The following HS1BP3 variants were observed in gnomAD, a reference collection of about 807,000 sequenced individuals.
The protein encoded by HS1BP3 is HCLS1-binding protein 3.
HS1BP3 carries 32 observed loss-of-function variants against 33.5 expected under a neutral mutation model. The ratio of observed to expected loss-of-function variants is 0.95; its 90% CI spans 0.72 to 1.28. HS1BP3 has a LOEUF of 1.28. Ranked by LOEUF, HS1BP3 falls within the 50% of genes most tolerant of loss-of-function variation. The pLI is 0.00. For synonymous variants in HS1BP3, 187 were observed against 209.2 expected (o/e 0.89, Z 0.92); for missense variants, 486 against 502.3 (o/e 0.97, Z 0.31).
At chr2:20,608,342 A>G (rs1188562155) in intron 2 of HS1BP3, among the ~76,000 whole-genome samples, 2 of 152,056 alleles carry the variant, frequency 1.3e-5, no homozygotes, top group South Asian at 2.1e-4. Flanking sequence ...TGGGAGGCCG[A>G]TGCGGGAGGA....
chr2:20,561,803 A>G (rs1159111073), intron 5 of HS1BP3, among the ~76,000 whole-genome samples: 1 of 152,124 alleles, frequency 6.6e-6, no homozygotes, highest in Non-Finnish European at 1.5e-5. Context: ...TTTTTATGCT[A>G]ATGAGATGAC....
the HS1BP3 span, among the ~76,000 whole-genome samples, chr2:20,554,446 G>A: frequency 6.6e-6 from 1 of 152,200 alleles, no homozygotes; most frequent in African/African-American, 2.4e-5. Context: ...TCAGGGGCCA[G>A]GCGCGGTGGC....
At chr2:20,559,273 C>T (rs1044574464), downstream of HS1BP3, among the ~76,000 whole-genome samples, 37 of 152,206 alleles carry the variant, frequency 2.4e-4, no homozygotes, top group Admixed American at 1.2e-3. Context: ...ATTGCAATGC[C>T]TTGGCAATGC....
chr2:20,570,862 G>A (rs1027093336), intron 5 of HS1BP3, among the ~76,000 whole-genome samples: 7 of 152,174 alleles, frequency 4.6e-5, no homozygotes, highest in African/African-American at 1.7e-4. Context: ...AAGGGTCACT[G>A]TTTGGCTTGC....
downstream of HS1BP3, among the ~76,000 whole-genome samples, chr2:20,589,131 C>T (rs376050461): frequency 4.2e-4 from 64 of 152,360 alleles, no homozygotes; most frequent in South Asian, 0.013. Flanking sequence ...GGACCACTAG[C>T]CCTGCTTTGC....
intron 5 of HS1BP3, among the ~76,000 whole-genome samples, chr2:20,571,957 C>T (rs927947023): frequency 2.0e-5 from 3 of 152,230 alleles, no homozygotes; most frequent in South Asian, 2.1e-4. Context: ...CTCAGATCCC[C>T]GCAGGCCTGC....
At chr2:20,560,908 T>C (rs112667466) in intron 5 of HS1BP3, among the ~76,000 whole-genome samples, 3,417 of 151,958 alleles carry the variant, frequency 0.022, 144 homozygotes, top group African/African-American at 0.078. Context: ...GTGATGGTGA[T>C]GAGAAAGAAG....
At chr2:20,619,331 G>A (rs557316931) in intron 6 of HS1BP3, 86 bp from the exon 7 acceptor site, 40 of 1,220,838 alleles carry the variant, frequency 3.3e-5, no homozygotes, top group South Asian at 3.2e-4. Context: ...GTGCCCACAC[G>A]GGGCTGGGCA....
intron 5 of HS1BP3, among the ~76,000 whole-genome samples, chr2:20,572,131 G>T (rs545697396): frequency 1.4e-4 from 21 of 152,362 alleles, no homozygotes; most frequent in Non-Finnish European, 2.9e-4. Flanking sequence ...GCTCGGTTCT[G>T]AAGTCTTTCC....
At chr2:20,602,058 TG>T (rs1226436200) in intron 2 of HS1BP3, among the ~76,000 whole-genome samples, 2 of 151,322 alleles carry the variant, frequency 1.3e-5, no homozygotes, top group African/African-American at 4.9e-5. Context: ...CAGAAAGATG[TG>T]GGTTTGGAAA....
Position 20,624,805 on chromosome 2 carries a change from A to G in HS1BP3, c.711T>C (p.Pro237=). The G allele has an allele frequency of 6.2e-7, 1 of 1,613,608 alleles. No homozygotes were observed. Among genetic ancestry groups the G allele is most frequent in the South Asian group, 1.1e-5 (1 of 91,076 alleles). The change falls in exon 5 of 7, where the codon CCT becomes CCC. Residue 237 remains proline (P), a synonymous_variant. Transcript: ENST00000304031. ...TGCCCGGGCCAAAGAGCCCCTCATC[A>G]GGGTCCACCTCCTCGTCAAAGATGG... ...RLTIFDEEVD[P]DEGLFGPGRK...
At chr2:20,634,444 G>A (rs1222886812) in intron 4 of HS1BP3, among the ~76,000 whole-genome samples, 2 of 152,210 alleles carry the variant, frequency 1.3e-5, no homozygotes, top group African/African-American at 4.8e-5. Flanking sequence ...TGGCATCAGG[G>A]GAGCCCTGGG....
intron 6 of HS1BP3, among the ~76,000 whole-genome samples, chr2:20,621,398 A>C (rs1316743275): frequency 6.6e-6 from 1 of 152,246 alleles, no homozygotes; most frequent in Non-Finnish European, 1.5e-5. Flanking sequence ...TCCTTCTTGA[A>C]CAAACCCAGA....
intron 4 of HS1BP3, among the ~76,000 whole-genome samples, chr2:20,628,814 C>A (rs1216414953): frequency 6.6e-6 from 1 of 152,054 alleles, no homozygotes; most frequent in African/African-American, 2.4e-5. Flanking sequence ...GGTACAGGAC[C>A]TGAGAGTCAC....
chr2:20,603,540 TAGAG>T (rs1013111788), intron 2 of HS1BP3, among the ~76,000 whole-genome samples: 8 of 152,074 alleles, frequency 5.3e-5, no homozygotes, highest in African/African-American at 1.7e-4. Context: ...AATGGGCAAA[TAGAG>T]AGAGATAGAA....
chr2:20,587,300 C>T (rs767558722), intron 5 of HS1BP3, among the ~76,000 whole-genome samples: 5 of 152,230 alleles, frequency 3.3e-5, no homozygotes, highest in Admixed American at 3.3e-4. Context: ...GCAAAGCGTA[C>T]GAGCCCACTC....
intron 6 of HS1BP3, among the ~76,000 whole-genome samples, chr2:20,620,573 C>G (rs1694565193): frequency 6.6e-6 from 1 of 152,224 alleles, no homozygotes; most frequent in Non-Finnish European, 1.5e-5. Context: ...GAACTGTACA[C>G]AGAAGCACAG....
chr2:20,608,027 C>T (rs1352205081), intron 2 of HS1BP3, among the ~76,000 whole-genome samples: 1 of 152,060 alleles, frequency 6.6e-6, no homozygotes, highest in Non-Finnish European at 1.5e-5. Flanking sequence ...TAAATTGAAT[C>T]GTTTTCTTGA....
chr2:20,650,462 G>C (rs1695658111), intron 1 of HS1BP3, among the ~76,000 whole-genome samples: 1 of 152,164 alleles, frequency 6.6e-6, no homozygotes, highest in Non-Finnish European at 1.5e-5. Flanking sequence ...GCTCTCCTGA[G>C]CTGCCTCGCA....
Sources: gnomAD v4.1 joint callset for allele counts (sites outside exome capture counted in the v4.1 genomes callset) on GRCh38, gnomAD v4.1.1 for gene constraint, MANE v1.5 for transcripts, NCBI Gene and HGNC (gene_info 2026-07-23, HGNC 2026-07-21) for gene names.